PPP1R2: variants seen among roughly 807,000 people sequenced by gnomAD.
The protein encoded by PPP1R2 is protein phosphatase 1 regulatory inhibitor subunit 2, also known as protein phosphatase inhibitor 2.
In PPP1R2, 16 loss-of-function variants were observed where a neutral mutation model predicts 29.9. That is an observed-to-expected ratio of 0.53 (90% confidence interval 0.36 to 0.81). The LOEUF (loss-of-function observed/expected upper bound fraction) is 0.81. PPP1R2 is among the 30% of genes least tolerant of loss of function. The probability of loss-of-function intolerance (pLI) is 0.00; values close to 1 mark genes in which losing one functional copy is unlikely to be tolerated. For synonymous variants in PPP1R2, 76 were observed against 91.5 expected (o/e 0.83, Z 0.96); for missense variants, 197 against 252.7 (o/e 0.78, Z 1.49).
intron 2 of PPP1R2, among the ~76,000 whole-genome samples, chr3:195,526,554 T>A (rs1384934106): frequency 6.6e-6 from 1 of 152,192 alleles, no homozygotes; most frequent in Non-Finnish European, 1.5e-5. Flanking sequence ...ATGGCAAATA[T>A]CTACCATTCA....
intron 1 of PPP1R2, among the ~76,000 whole-genome samples, chr3:195,532,181 C>A (rs1434689082): frequency 1.3e-5 from 2 of 151,304 alleles, no homozygotes; most frequent in African/African-American, 4.9e-5. Context: ...CAGGTACGCA[C>A]CACCATGCCC....
intron 3 of PPP1R2, 49 bp from the exon 4 acceptor site, chr3:195,523,835 A>G: frequency 6.8e-7 from 1 of 1,464,822 alleles, no homozygotes; most frequent in Non-Finnish European, 9.5e-7. Context: ...TTTTGATATT[A>G]TTTAAGCGCC....
chr3:195,529,887 T>C lies in PPP1R2; in HGVS notation c.137A>G (p.Lys46Arg), dbSNP rs1486986197. ...VDEELSKKSQ[K>R]WDEMNILATY... ...CGCCAAGATGTTCATTTCATCCCAC[T>C]TCTGGGATTTTTTGCTAAAATTAAA... The change falls in exon 2 of 6, where the codon AAG becomes AGG. Residue 46 changes from lysine to arginine, a missense_variant. Physicochemically the swap from Lys to Arg is conservative, Grantham distance 26. This residue lies in a region of PPP1R2 where 54 missense variants were observed against 60.6 expected (regional missense o/e 0.89). Coordinates refer to ENST00000618156, the MANE Select transcript of PPP1R2 (RefSeq NM_006241.8). 6.2e-7 allele frequency: 1 copy of C among 1,606,142 alleles called. No homozygotes were observed. The highest frequency in any genetic ancestry group is 1.1e-5 in the South Asian group (1 of 88,594).
At chr3:195,524,484 C>A (rs1718886948) in intron 3 of PPP1R2, among the ~76,000 whole-genome samples, 1 of 152,148 alleles carries the variant, frequency 6.6e-6, no homozygotes, top group Non-Finnish European at 1.5e-5. Context: ...GAGATCACAC[C>A]ACTGCACTCC....
At position 195,514,919 on chromosome 3, in the gene PPP1R2, T is replaced by G. The variant is rs1206283753; in HGVS notation, c.*1977A>C. The G allele has an allele frequency of 6.1e-6, 1 of 163,284 alleles. No individual in the cohort carries two copies. Among genetic ancestry groups the G allele is most frequent in the African/African-American group, 2.4e-5 (1 of 41,554 alleles). 10.1% of individuals were successfully genotyped at this position (163,284 alleles called of 1,614,324 possible). On this transcript the variant is annotated 3_prime_UTR_variant, in exon 6 of 6. Coordinates refer to ENST00000618156, the MANE Select transcript of PPP1R2 (RefSeq NM_006241.8). ...AAAAACCAGAAAATGAGTTTGTGAT[T>G]TAAATTTCAAAAAATAGTTTGTAGA...
At chr3:195,537,481 T>TTTTTTGTGTGTGTGTGTGTG (rs150119072) in intron 1 of PPP1R2, among the ~76,000 whole-genome samples, 22 of 128,574 alleles carry the variant, frequency 1.7e-4, no homozygotes, top group African/African-American at 3.3e-4. Context: ...GGATTAGCTA[T>TTTTTTGTGTGTGTGTGTGTG]TGTGTGTGTG....
At chr3:195,542,406 A>G (rs1428294554) in intron 1 of PPP1R2, among the ~76,000 whole-genome samples, 1 of 152,222 alleles carries the variant, frequency 6.6e-6, no homozygotes, top group Non-Finnish European at 1.5e-5. Flanking sequence ...AACAAAAACT[A>G]GAAAGCACCC....
At chr3:195,536,293 TAAAAAAAAAAAAAAAA>T (rs10645669) in intron 1 of PPP1R2, among the ~76,000 whole-genome samples, 2 of 115,530 alleles carry the variant, frequency 1.7e-5, no homozygotes, top group African/African-American at 6.8e-5. Context: ...ACCCTGTCTT[TAAAAAAAAAAAAAAAA>T]AAAAAAAAGT....
chr3:195,519,462 G>A, intron 4 of PPP1R2: 1 of 303,846 alleles, frequency 3.3e-6, no homozygotes, highest in Non-Finnish European at 6.0e-6. Context: ...TAAAGCTATG[G>A]GAAAATTATC....
intron 2 of PPP1R2, 75 bp downstream of exon 2, chr3:195,529,719 G>A (rs1719110089): frequency 1.4e-5 from 14 of 1,033,992 alleles, no homozygotes; most frequent in African/African-American, 3.3e-5. Context: ...ATTCAAATAG[G>A]CTGTTATCCA....
At chr3:195,541,420 C>A (rs1315707687) in intron 1 of PPP1R2, among the ~76,000 whole-genome samples, 2 of 148,836 alleles carry the variant, frequency 1.3e-5, no homozygotes, top group African/African-American at 4.9e-5. Flanking sequence ...TCTGTAGTTA[C>A]GTTACTTATC....
chr3:195,520,947 G>C (rs1278774699), intron 4 of PPP1R2, among the ~76,000 whole-genome samples: 5 of 152,134 alleles, frequency 3.3e-5, no homozygotes, highest in Non-Finnish European at 7.4e-5. Context: ...GGGATTACAG[G>C]TGTAAGACAC....
intron 1 of PPP1R2, among the ~76,000 whole-genome samples, chr3:195,531,712 T>C (rs35609540): frequency 0.15 from 22,098 of 152,250 alleles, 2,413 homozygotes; most frequent in Admixed American, 0.36. Context: ...TTAGTGCACG[T>C]GCTCCTGAAG....
intron 1 of PPP1R2, among the ~76,000 whole-genome samples, chr3:195,537,954 G>A (rs143712513): frequency 6.6e-6 from 1 of 152,350 alleles, no homozygotes; most frequent in African/African-American, 2.4e-5. Context: ...ATGAAAGTCG[G>A]CATCTCTAAA....
At position 195,516,842 on chromosome 3, in the gene PPP1R2, T is replaced by G. The variant is rs1718564061; in HGVS notation, c.*54A>C. 2.7e-6 allele frequency: 4 copies of G among 1,491,022 alleles called. No homozygotes were observed. The highest frequency in any genetic ancestry group is 3.7e-6 in the Non-Finnish European group (4 of 1,070,432). 92.4% of individuals were successfully genotyped at this position (1,491,022 alleles called of 1,614,324 possible). ...TTGTGAAGAACAAGAAGCAACGTAC[T>G]ATAGTCACAGGGTTTACATCTAACA... On this transcript the variant is annotated 3_prime_UTR_variant, in exon 6 of 6. Coordinates refer to ENST00000618156, the MANE Select transcript of PPP1R2 (RefSeq NM_006241.8).
At chr3:195,517,267 T>C (rs565770257) in intron 5 of PPP1R2, among the ~76,000 whole-genome samples, 7 of 152,176 alleles carry the variant, frequency 4.6e-5, no homozygotes, top group South Asian at 2.1e-4. Flanking sequence ...CTGAAAGCTA[T>C]AAAATATCAC....
intron 3 of PPP1R2, among the ~76,000 whole-genome samples, 196 bp downstream of exon 3, chr3:195,524,623 C>T (rs1718892359): frequency 6.6e-6 from 1 of 151,752 alleles, no homozygotes. Context: ...TGATTTTAAT[C>T]AAGAGACAAG....
At chr3:195,527,838 C>CT in intron 2 of PPP1R2, 1 of 340,956 alleles carries the variant, frequency 2.9e-6, no homozygotes, top group South Asian at 2.4e-5. Context: ...TTAATAGCCA[C>CT]TGCACTGGGC....
chr3:195,531,794 A>G (rs1577577336), intron 1 of PPP1R2, among the ~76,000 whole-genome samples: 1 of 152,140 alleles, frequency 6.6e-6, no homozygotes, highest in African/African-American at 2.4e-5. Flanking sequence ...AAGCATCACC[A>G]CCATTCATCT....
Sources: gnomAD v4.1 joint callset for allele counts (sites outside exome capture counted in the v4.1 genomes callset) on GRCh38, gnomAD v4.1.1 for gene constraint, gnomAD v4.1.1 regional missense constraint, MANE v1.5 for transcripts, NCBI Gene and HGNC (gene_info 2026-07-23, HGNC 2026-07-21) for gene names.